ZMAT4: variants seen among roughly 807,000 people sequenced by gnomAD.
ZMAT4 encodes zinc finger matrin-type 4, also known as zinc finger matrin-type protein 4.
A neutral mutation model predicts 28.7 loss-of-function variants in ZMAT4; 17 were observed. The ratio of observed to expected loss-of-function variants is 0.59; its 90% CI spans 0.41 to 0.89. The LOEUF (loss-of-function observed/expected upper bound fraction) is 0.89. ZMAT4 is among the 40% of genes least tolerant of loss of function. ZMAT4 has a pLI of 0.00. For missense variants in ZMAT4, 240 were observed against 283.8 expected (o/e 0.85, Z 1.11); for synonymous variants, 117 against 109.2 (o/e 1.07, Z -0.44).
chr8:40,731,744 G>A (rs545960128), intron 3 of ZMAT4, among the ~76,000 whole-genome samples: 8 of 152,234 alleles, frequency 5.3e-5, no homozygotes, highest in Middle Eastern at 3.4e-3. Flanking sequence ...GAATAAAGTC[G>A]AAATAAGAAT....
chr8:40,884,919 A>C (rs1185825794), intron 1 of ZMAT4: 1 of 152,260 alleles, frequency 6.6e-6, no homozygotes, highest in Non-Finnish European at 1.5e-5. Context: ...AACACTGTGC[A>C]GTCTGCAAAG....
At chr8:40,859,202 C>G (rs367757152) in intron 1 of ZMAT4, among the ~76,000 whole-genome samples, 7 of 152,172 alleles carry the variant, frequency 4.6e-5, no homozygotes, top group African/African-American at 9.7e-5. Context: ...TTCAAGGTGC[C>G]GTGATTCCCC....
chr8:40,730,353 A>T (rs1399484443), intron 3 of ZMAT4, among the ~76,000 whole-genome samples: 1 of 152,214 alleles, frequency 6.6e-6, no homozygotes, highest in Non-Finnish European at 1.5e-5. Flanking sequence ...TAACAGGAAA[A>T]CTGTGATTGA....
chr8:40,739,945 T>C (rs1811930696), intron 3 of ZMAT4, among the ~76,000 whole-genome samples: 1 of 152,200 alleles, frequency 6.6e-6, no homozygotes, highest in South Asian at 2.1e-4. Context: ...GGTTTCCAGC[T>C]TCATCCATGT....
At chr8:40,825,783 A>G (rs566047256) in intron 1 of ZMAT4, 103 bp from the exon 2 acceptor site, 8 of 845,100 alleles carry the variant, frequency 9.5e-6, no homozygotes, top group South Asian at 4.9e-5. Flanking sequence ...AGGTCTGACA[A>G]TGGTGACAGA....
chr8:40,584,405 G>C (rs1022687663), intron 5 of ZMAT4, among the ~76,000 whole-genome samples: 16 of 152,228 alleles, frequency 1.1e-4, no homozygotes, highest in African/African-American at 3.9e-4. Context: ...TGAGCTGGAG[G>C]AGGGGACAAT....
chr8:40,695,287 T>C (rs561574367), intron 4 of ZMAT4, among the ~76,000 whole-genome samples: 5 of 152,314 alleles, frequency 3.3e-5, no homozygotes, highest in African/African-American at 9.6e-5. Context: ...AACAGCTGGG[T>C]TGACACCAAC....
intron 3 of ZMAT4, among the ~76,000 whole-genome samples, chr8:40,711,243 G>A (rs1444317716): frequency 3.9e-5 from 6 of 152,050 alleles, no homozygotes; most frequent in Non-Finnish European, 5.9e-5. Flanking sequence ...AAAGCACAGA[G>A]TATCAAACAA....
chr8:40,815,199 C>A (rs955433523), intron 2 of ZMAT4, among the ~76,000 whole-genome samples: 2 of 152,088 alleles, frequency 1.3e-5, no homozygotes, highest in African/African-American at 2.4e-5. Context: ...CTCTTGAATC[C>A]AGGAGGTGGA....
chr8:40,594,510 C>T (rs2599684), intron 5 of ZMAT4, among the ~76,000 whole-genome samples: 149,657 of 152,282 alleles, frequency 0.98, 73,607 homozygotes, highest in Middle Eastern at 1. Flanking sequence ...GTTTGTAACC[C>T]TTATGTGTCT....
At chr8:40,714,789 G>A (rs925273832) in intron 3 of ZMAT4, among the ~76,000 whole-genome samples, 10 of 152,118 alleles carry the variant, frequency 6.6e-5, no homozygotes, top group African/African-American at 2.4e-4. Context: ...AGTGGCTCAC[G>A]CCTGTAATCC....
intron 4 of ZMAT4, among the ~76,000 whole-genome samples, chr8:40,687,204 G>T (rs1238563644): frequency 6.6e-6 from 1 of 152,190 alleles, no homozygotes; most frequent in Non-Finnish European, 1.5e-5. Flanking sequence ...AGAAGACGGG[G>T]CACTGAAGTA....
At chr8:40,669,359 T>C (rs1325774776) in intron 5 of ZMAT4, among the ~76,000 whole-genome samples, 2 of 152,088 alleles carry the variant, frequency 1.3e-5, no homozygotes, top group Non-Finnish European at 2.9e-5. Flanking sequence ...GGACTGGTAC[T>C]GTAGAGAAAC....
intron 5 of ZMAT4, among the ~76,000 whole-genome samples, chr8:40,648,574 C>T (rs1480893888): frequency 1.8e-4 from 22 of 120,766 alleles, no homozygotes; most frequent in East Asian, 2.4e-4. Context: ...ATACAGAGAA[C>T]GCCACAAAGA....
At chr8:40,740,155 C>T (rs1585972859) in intron 3 of ZMAT4, among the ~76,000 whole-genome samples, 1 of 152,168 alleles carries the variant, frequency 6.6e-6, no homozygotes, top group African/African-American at 2.4e-5. Context: ...TTTGGGTATA[C>T]ACCCAGTAAT....
intron 6 of ZMAT4, among the ~76,000 whole-genome samples, chr8:40,572,949 C>A (rs1292143106): frequency 2.6e-5 from 4 of 152,138 alleles, no homozygotes; most frequent in Admixed American, 2.0e-4. Context: ...CCTCTGCTAA[C>A]AATTACTTTT....
chr8:40,578,217 C>T (rs756797384), intron 6 of ZMAT4, among the ~76,000 whole-genome samples: 10 of 151,862 alleles, frequency 6.6e-5, no homozygotes, highest in Non-Finnish European at 1.3e-4. Context: ...CAGACACACA[C>T]GTACACATGT....
intron 2 of ZMAT4, among the ~76,000 whole-genome samples, chr8:40,806,347 T>C (rs185412599): frequency 6.6e-6 from 1 of 152,304 alleles, no homozygotes; most frequent in East Asian, 1.9e-4. Flanking sequence ...TTAAGGCCAT[T>C]AGCAATGACT....
chr8:40,562,119 T>A (rs1803765368), intron 6 of ZMAT4, among the ~76,000 whole-genome samples: 1 of 152,212 alleles, frequency 6.6e-6, no homozygotes, highest in South Asian at 2.1e-4. Flanking sequence ...GACTTCAAAA[T>A]GTCCATTCAA....
Sources: allele counts gnomAD v4.1 joint callset (sites outside exome capture counted in the v4.1 genomes callset), GRCh38; gene constraint gnomAD v4.1.1; transcripts MANE v1.5; gene names NCBI Gene and HGNC (gene_info 2026-07-23, HGNC 2026-07-21).